The following PRDM15 variants were observed in gnomAD, a reference collection of about 807,000 sequenced individuals.
PRDM15 encodes PR domain zinc finger protein 15.
PRDM15 carries 64 observed loss-of-function variants against 128.6 expected under a neutral mutation model. The observed-to-expected ratio is 0.50, with a 90% confidence interval of 0.41 to 0.61. The LOEUF (loss-of-function observed/expected upper bound fraction) is 0.61, where lower values mean the gene tolerates loss of function less well. Ranked by LOEUF, PRDM15 falls within the 20% of genes least tolerant of loss-of-function variation. PRDM15 has a pLI of 0.00. For missense variants in PRDM15, 1,242 were observed against 1,569.1 expected (o/e 0.79, Z 3.52); for synonymous variants, 615 against 621.8 (o/e 0.99, Z 0.16).
intron 1 of PRDM15, chr21:41,867,325 G>C: frequency 6.2e-7 from 1 of 1,613,726 alleles, no homozygotes; most frequent in Non-Finnish European, 8.5e-7. Context: ...TCTTCCCCAG[G>C]GCTGGGGGCA....
At chr21:41,847,978 G>A (rs2063319917) in intron 5 of PRDM15, among the ~76,000 whole-genome samples, 2 of 152,222 alleles carry the variant, frequency 1.3e-5, no homozygotes, top group South Asian at 4.1e-4. Flanking sequence ...CTACAATTGG[G>A]AGGCGTTTTA....
Position 41,810,334 on chromosome 21 carries a change from T to G in PRDM15, c.2477-5A>C. ...AGCACGTCCACTGCTTGCCCACTTTTCACACACACGCAGACACACATGCGC... is the reference window on the plus strand; with the variant it reads ...AGCACGTCCACTGCTTGCCCACTTTGCACACACACGCAGACACACATGCGC... On this transcript the variant is annotated splice_region_variant and splice_polypyrimidine_tract_variant and intron_variant, in intron 20 of 23. Coordinates refer to ENST00000398548, the MANE Select transcript of PRDM15 (RefSeq NM_001040424.3). This position sits in a 1 kb window ranked among gnomAD's most constrained non-coding sequence, Gnocchi z 6.4. 1 of 1,610,912 alleles carries G rather than the reference T, an allele frequency of 6.2e-7. No individual in the cohort carries two copies. The highest frequency in any genetic ancestry group is 8.5e-7 in the Non-Finnish European group (1 of 1,178,948).
chr21:41,878,556 CG>C, intron 1 of PRDM15: 1 of 450,558 alleles, frequency 2.2e-6, no homozygotes, highest in Non-Finnish European at 3.9e-6. Flanking sequence ...CTCACCTGAG[CG>C]GCCGGGCACG....
intron 17 of PRDM15, 188 bp from the exon 18 acceptor site, chr21:41,819,889 A>G: frequency 2.5e-6 from 2 of 801,486 alleles, no homozygotes; most frequent in Non-Finnish European, 3.9e-6. Context: ...TAGATCCCTG[A>G]GGACCTGGAG....
intron 1 of PRDM15, among the ~76,000 whole-genome samples, chr21:41,868,232 C>T (rs529010114): frequency 6.6e-6 from 1 of 152,282 alleles, no homozygotes; most frequent in South Asian, 2.1e-4. Context: ...AATTCACTCA[C>T]TCATGGAAGG....
rs2146400022 is a variant in PRDM15, at chr21:41,822,021, T to A, written c.1778A>T (p.Asp593Val). The A allele has an allele frequency of 6.2e-7, 1 of 1,614,132 alleles. No individual in the cohort carries two copies. Among genetic ancestry groups the A allele is most frequent in the African/African-American group, 1.3e-5 (1 of 75,074 alleles). ...HVHFKDIALM[D>V]DHQREEFIGK... ...GATAAACTCTTCCCTCTGGTGGTCA[T>A]CCATCAACGCGATGTCCTGGAAAAC... The change falls in exon 15 of 24, where the codon GAT becomes GTT. Residue 593 changes from aspartate (D) to valine (V), a missense_variant. This residue lies in a region of PRDM15 where 602 missense variants were observed against 788.3 expected (regional missense o/e 0.76). Coordinates refer to ENST00000398548, the MANE Select transcript of PRDM15 (RefSeq NM_001040424.3).
rs925590767 is a variant in PRDM15 at position 41,799,301 on chromosome 21, C to G, written c.*1939G>C. On this transcript the variant is annotated 3_prime_UTR_variant, in exon 24 of 24. Coordinates refer to ENST00000398548, the MANE Select transcript of PRDM15 (RefSeq NM_001040424.3). Reference sequence around the variant, plus strand: ...AAAAATATATCTTAGGAGCCCTGGTCTCCTGCTGATTCCATGGATGCCTGG... The same window carrying G: ...AAAAATATATCTTAGGAGCCCTGGTGTCCTGCTGATTCCATGGATGCCTGG... 2 of 152,206 alleles carry G rather than the reference C, an allele frequency of 1.3e-5. No individual in the cohort carries two copies. Among genetic ancestry groups the G allele is most frequent in the Non-Finnish European group, 2.9e-5 (2 of 68,044 alleles). 9.4% of individuals were successfully genotyped at this position (152,206 alleles called of 1,614,324 possible).
intron 11 of PRDM15, among the ~76,000 whole-genome samples, chr21:41,830,101 AAACTC>A (rs1229363940): frequency 1.3e-5 from 2 of 151,312 alleles, no homozygotes; most frequent in East Asian, 1.9e-4. Context: ...CATACACCAC[AAACTC>A]AACACACACC....
At chr21:41,807,447 T>C (rs1273187319) in intron 21 of PRDM15, among the ~76,000 whole-genome samples, 1 of 152,154 alleles carries the variant, frequency 6.6e-6, no homozygotes, top group African/African-American at 2.4e-5. Context: ...GGGGACAGGC[T>C]CGGGGGACCG....
At chr21:41,861,869 G>T (rs1042652040) in intron 1 of PRDM15, 1 of 1,576,366 alleles carries the variant, frequency 6.3e-7, no homozygotes, top group African/African-American at 1.3e-5. Context: ...AACAAGGGGA[G>T]GGGGGTGAAA....
At chr21:41,819,762 G>C (rs2062184686) in intron 17 of PRDM15, 61 bp from the exon 18 acceptor site, 6 of 1,545,652 alleles carry the variant, frequency 3.9e-6, no homozygotes, top group East Asian at 2.4e-5. Flanking sequence ...TGGCTGCAAA[G>C]AGGATGCACC....
intron 6 of PRDM15, among the ~76,000 whole-genome samples, chr21:41,844,099 C>T (rs144623477): frequency 6.6e-6 from 1 of 152,204 alleles, no homozygotes; most frequent in Non-Finnish European, 1.5e-5. Flanking sequence ...GCCCTTCCAA[C>T]ACTTCCTACA....
rs990569756 is a variant in PRDM15 at position 41,859,058 on chromosome 21, C to G, written c.131+534G>C. On this transcript the variant is annotated intron_variant, in intron 3 of 23. Coordinates refer to ENST00000398548, the MANE Select transcript of PRDM15 (RefSeq NM_001040424.3). This position sits in a 1 kb window ranked among gnomAD's most constrained non-coding sequence, Gnocchi z 5.3. ...GCCCTGGGCCACCAGGTGGCACAGCCTCCCCCAGGTGAGGGTGGAACGGCA... is the reference window on the plus strand; with the variant it reads ...GCCCTGGGCCACCAGGTGGCACAGCGTCCCCCAGGTGAGGGTGGAACGGCA... The G allele has an allele frequency of 3.8e-6, 6 of 1,571,072 alleles. No homozygotes were observed. In the Admixed American group the frequency reaches 5.7e-5, roughly 15 times the overall value.
At chr21:41,848,282 A>C (rs1389320382) in intron 5 of PRDM15, among the ~76,000 whole-genome samples, 1 of 152,282 alleles carries the variant, frequency 6.6e-6, no homozygotes, top group Admixed American at 6.5e-5. Context: ...AAGGAAAAAG[A>C]TATAGGTTAC....
In PRDM15 at chr21:41,859,169, T is replaced by C. The variant is rs1361091287; in HGVS notation, c.131+423A>G. On this transcript the variant is annotated intron_variant, in intron 3 of 23. Transcript: ENST00000398548. The surrounding 1 kb of genome is among the most constrained non-coding windows in gnomAD (Gnocchi z 5.3). The stretch of plus-strand genomic sequence containing the variant: ...CTGTGGGTCAGCCCTGTCCCTGTCC[T>C]CATAACCCCGCATCCCCTGCCCCGC... 2 of 1,613,854 alleles carry C rather than the reference T, an allele frequency of 1.2e-6. No homozygotes were observed. The highest frequency in any genetic ancestry group is 1.7e-6 in the Non-Finnish European group (2 of 1,180,000).
rs2062950670 is a variant in PRDM15 at position 41,837,960 on chromosome 21, G to C, written c.975C>G (p.Thr325=). ...TTGGAACCGAGCTGGTGTCAGTGGT[G>C]GTGGTGGCCAGCTTCCCCAGAACCA... ...MELVLGKLAT[T]TTDTSSVPKF... Residue 325 remains threonine (T), a synonymous_variant, in exon 8 of 24, where the codon ACC becomes ACG. Coordinates refer to ENST00000398548, the MANE Select transcript of PRDM15 (RefSeq NM_001040424.3). 1.2e-6 allele frequency: 2 copies of C among 1,614,094 alleles called. No individual in the cohort carries two copies. The highest frequency in any genetic ancestry group is 1.7e-5 in the Admixed American group (1 of 60,004).
chr21:41,818,675 G>C (rs1044688682), intron 18 of PRDM15, among the ~76,000 whole-genome samples: 2 of 152,262 alleles, frequency 1.3e-5, no homozygotes, highest in Non-Finnish European at 2.9e-5. Context: ...AGTTCATGCA[G>C]CTCCTGTGTT....
At chr21:41,843,794 G>A (rs1379731903) in intron 6 of PRDM15, among the ~76,000 whole-genome samples, 1 of 152,096 alleles carries the variant, frequency 6.6e-6, no homozygotes, top group East Asian at 1.9e-4. Flanking sequence ...GCAAGACCCT[G>A]TCTGTACAAT....
intron 4 of PRDM15, among the ~76,000 whole-genome samples, chr21:41,855,617 G>A (rs2850131): frequency 2.6e-5 from 4 of 152,008 alleles, no homozygotes; most frequent in African/African-American, 4.8e-5. Flanking sequence ...CTGGCGGCAC[G>A]CTCTCTCTGG....
Sources: allele counts gnomAD v4.1 joint callset (sites outside exome capture counted in the v4.1 genomes callset), GRCh38; gene constraint gnomAD v4.1.1; regional missense constraint gnomAD v4.1.1; non-coding constraint Gnocchi (gnomAD v3.1); transcripts MANE v1.5; gene names NCBI Gene and HGNC (gene_info 2026-07-23, HGNC 2026-07-21).